The following GART variants were observed in gnomAD, a reference collection of about 807,000 sequenced individuals.
The protein encoded by GART is phosphoribosylglycinamide formyltransferase, phosphoribosylglycinamide synthetase, phosphoribosylaminoimidazole synthetase, also known as trifunctional purine biosynthetic protein adenosine-3.
A neutral mutation model predicts 107.2 loss-of-function variants in GART; 43 were observed. The observed-to-expected ratio is 0.40, with a 90% CI of 0.31 to 0.52. The LOEUF (loss-of-function observed/expected upper bound fraction) is 0.52. Ranked by LOEUF, GART falls within the 20% of genes least tolerant of loss-of-function variation. GART has a pLI of 0.52. For synonymous variants in GART, 434 were observed against 427.0 expected (o/e 1.02, Z -0.20); for missense variants, 1,107 against 1,206.5 (o/e 0.92, Z 1.22).
chr21:33,509,720 G>A, intron 18 of GART, 63 bp downstream of exon 18: 1 of 1,544,352 alleles, frequency 6.5e-7, no homozygotes, highest in Non-Finnish European at 8.9e-7. Context: ...AATCTCACAA[G>A]AGTGCGGGGA....
chr21:33,536,853 A>G (rs2085316179), intron 2 of GART, among the ~76,000 whole-genome samples: 1 of 152,248 alleles, frequency 6.6e-6, no homozygotes. Context: ...ACTGGTGTGC[A>G]ATGTAAAATT....
chr21:33,523,844 G>A (rs1377740480), intron 11 of GART, among the ~76,000 whole-genome samples: 1 of 151,780 alleles, frequency 6.6e-6, no homozygotes, highest in African/African-American at 2.4e-5. Context: ...GCAGGCACCT[G>A]TAATCCCAGC....
chr21:33,513,668 T>G (rs543279722), intron 16 of GART, among the ~76,000 whole-genome samples: 35 of 152,348 alleles, frequency 2.3e-4, no homozygotes, highest in Non-Finnish European at 4.1e-4. Flanking sequence ...TTCTTAATAG[T>G]TGACCTCAGA....
intron 1 of GART, among the ~76,000 whole-genome samples, chr21:33,539,827 G>C (rs916253643): frequency 2.0e-4 from 30 of 152,080 alleles, no homozygotes; most frequent in African/African-American, 6.8e-4. Flanking sequence ...GTCGTCATAA[G>C]CATAAGGGAG....
At chr21:33,521,506 C>T (rs1419414029) in intron 12 of GART, among the ~76,000 whole-genome samples, 1 of 151,972 alleles carries the variant, frequency 6.6e-6, no homozygotes, top group East Asian at 1.9e-4. Context: ...GTGGCGGGCA[C>T]CTGTAGTCCC....
At chr21:33,528,995 A>ATTAC (rs2085131170) in intron 7 of GART, 58 bp from the exon 8 acceptor site, 1 of 1,141,384 alleles carries the variant, frequency 8.8e-7, no homozygotes, top group African/African-American at 1.5e-5. Context: ...TCTAAGTAGT[A>ATTAC]TTACATGGGA....
intron 17 of GART, 156 bp from the exon 18 acceptor site, chr21:33,510,076 A>G (rs1428158871): frequency 1.5e-6 from 1 of 651,344 alleles, no homozygotes; most frequent in Non-Finnish European, 2.6e-6. Context: ...GTATCACTTA[A>G]CACTACTCTT....
intron 19 of GART, 63 bp downstream of exon 19, chr21:33,505,911 T>C (rs188248656): frequency 1.3e-6 from 2 of 1,596,016 alleles, no homozygotes; most frequent in African/African-American, 1.3e-5. Context: ...ACCAGGGTCC[T>C]GTGAGGGCAG....
In GART at chr21:33,505,583, G is replaced by A. The variant is rs2084664084; in HGVS notation, c.2703C>T (p.Gly901=). 1 of 1,595,016 alleles carries A rather than the reference G, an allele frequency of 6.3e-7. No individual in the cohort carries two copies. Among genetic ancestry groups the A allele is most frequent in the Non-Finnish European group, 8.5e-7 (1 of 1,174,186 alleles). ...CLAGFMRILS[G]PFVQKWNGKM... ...TACCATTCCACTTTTGGACAAAGGG[G>A]CCAGAAAGAATTCTCATGAATCCTG... The change falls in exon 20 of 22, where the codon GGC becomes GGT. Residue 901 remains glycine, a synonymous_variant. Transcript: ENST00000381815.
At chr21:33,510,694 G>T (rs544292791) in intron 17 of GART, among the ~76,000 whole-genome samples, 1 of 152,154 alleles carries the variant, frequency 6.6e-6, no homozygotes, top group African/African-American at 2.4e-5. Context: ...TGGAGAACCC[G>T]CTTGAAAATG....
At chr21:33,535,121 G>A (rs1036007240) in intron 3 of GART, 104 bp downstream of exon 3, 6 of 756,290 alleles carry the variant, frequency 7.9e-6, no homozygotes, top group Non-Finnish European at 1.2e-5. Flanking sequence ...CTTTTTCCAA[G>A]ATAATATTAC....
intron 4 of GART, among the ~76,000 whole-genome samples, chr21:33,533,168 G>A (rs879774624): frequency 1.8e-4 from 28 of 152,076 alleles, no homozygotes; most frequent in Admixed American, 5.9e-4. Flanking sequence ...GGCCAGGCGC[G>A]GTGGCTCACG....
intron 16 of GART, among the ~76,000 whole-genome samples, chr21:33,512,355 A>C: frequency 6.6e-6 from 1 of 151,526 alleles, no homozygotes; most frequent in Non-Finnish European, 1.5e-5. Flanking sequence ...AAAAATCTCT[A>C]ATAAAAATTT....
At chr21:33,535,744 A>C (rs2085292728) in intron 2 of GART, among the ~76,000 whole-genome samples, 1 of 152,200 alleles carries the variant, frequency 6.6e-6, no homozygotes, top group South Asian at 2.1e-4. Context: ...AGATGTCAAC[A>C]CGGCGGGGCG....
At chr21:33,521,885 G>A (rs2084979294) in intron 12 of GART, among the ~76,000 whole-genome samples, 1 of 147,872 alleles carries the variant, frequency 6.8e-6, no homozygotes. Context: ...CTTGAAATCA[G>A]GATGCAGAGG....
Position 33,517,056 on chromosome 21 carries a change from A to G in GART, c.2040T>C (p.His680=). 2 of 1,613,896 alleles carry G rather than the reference A, an allele frequency of 1.2e-6. No homozygotes were observed. Among genetic ancestry groups the G allele is most frequent in the Non-Finnish European group, 1.7e-6 (2 of 1,179,844 alleles). Residue 680 remains histidine, a synonymous_variant, in exon 16 of 22, where the codon CAT becomes CAC. Coordinates refer to ENST00000381815, the MANE Select transcript of GART (RefSeq NM_000819.5). ...TCTCTAGTAATCCTCCACCAGTAAT[A>G]TGGGCAAAGGCTTTGACATGTCCTG... ...LRSGHVKAFA[H]ITGGGLLENI... is the part of the protein sequence containing the mutation.
intron 10 of GART, among the ~76,000 whole-genome samples, chr21:33,526,536 A>G (rs2085077233): frequency 6.9e-6 from 1 of 144,040 alleles, no homozygotes; most frequent in Admixed American, 6.9e-5. Context: ...TTCTTTTTCG[A>G]TTTTTTTTTT....
Position 33,539,376 on chromosome 21 carries a change from G to A in GART, c.-41-20C>T, listed in dbSNP as rs554251557. 2 of 1,554,466 alleles carry A rather than the reference G, an allele frequency of 1.3e-6. No homozygotes were observed. Among genetic ancestry groups the A allele is most frequent in the East Asian group, 2.3e-5 (1 of 43,474 alleles). Reference sequence around the variant, plus strand: ...TGAAACCTGCAGAAAGAAAACCACAGTTTATATCTTAGGATGCACATTTTA... The same window carrying A: ...TGAAACCTGCAGAAAGAAAACCACAATTTATATCTTAGGATGCACATTTTA... On this transcript the variant is annotated intron_variant, in intron 1 of 21. Coordinates refer to ENST00000381815, the MANE Select transcript of GART (RefSeq NM_000819.5).
chr21:33,516,232 A>G, intron 16 of GART, among the ~76,000 whole-genome samples: 1 of 137,296 alleles, frequency 7.3e-6, no homozygotes, highest in African/African-American at 2.7e-5. Context: ...TGGGCTACAG[A>G]GTGAGACTCT....
Sources: allele counts gnomAD v4.1 joint callset (sites outside exome capture counted in the v4.1 genomes callset), GRCh38; gene constraint gnomAD v4.1.1; transcripts MANE v1.5; gene names NCBI Gene and HGNC (gene_info 2026-07-23, HGNC 2026-07-21).